SLC4A2: variants seen among roughly 807,000 people sequenced by gnomAD.
SLC4A2 encodes anion exchange protein 2.
A neutral mutation model predicts 115.0 loss-of-function variants in SLC4A2; 36 were observed. The ratio of observed to expected loss-of-function variants is 0.31; its 90% CI spans 0.24 to 0.41. The LOEUF (loss-of-function observed/expected upper bound fraction) is 0.41. Ranked by LOEUF, SLC4A2 falls within the 10% of genes least tolerant of loss-of-function variation. The pLI is 1.00. For missense variants in SLC4A2, 1,252 were observed against 1,705.6 expected (o/e 0.73, Z 4.68); for synonymous variants, 708 against 708.3 (o/e 1.00, Z 0.01).
rs747647186 is a variant in SLC4A2, at chr7:151,069,940, A to G, written c.1148-7A>G. On this transcript the variant is annotated splice_polypyrimidine_tract_variant and splice_region_variant and intron_variant, in intron 8 of 22. Coordinates refer to ENST00000413384, the MANE Select transcript of SLC4A2 (RefSeq NM_003040.4). ...GCTGAGGGGCCCTCTGTGCCATCTT[A>G]TGCTAGGGGCTGTGCTCTTGGATCT... 6.2e-7 allele frequency: 1 copy of G among 1,613,708 alleles called. No individual in the cohort carries two copies. Among genetic ancestry groups the G allele is most frequent in the South Asian group, 1.1e-5 (1 of 91,074 alleles).
chr7:151,067,034 A>G (rs767351174), intron 7 of SLC4A2, 41 bp downstream of exon 7: 2 of 1,540,102 alleles, frequency 1.3e-6, no homozygotes, highest in South Asian at 1.2e-5. Flanking sequence ...AACTTCCCAC[A>G]CGACCCTGCC....
chr7:151,072,343 G>A (rs1797469717), intron 16 of SLC4A2, among the ~76,000 whole-genome samples: 1 of 152,242 alleles, frequency 6.6e-6, no homozygotes, highest in Non-Finnish European at 1.5e-5. Flanking sequence ...CCAGGCTGGA[G>A]TGCAGTGGCG....
Position 151,070,003 on chromosome 7 carries a change from G to A in SLC4A2, c.1204G>A (p.Val402Met), listed in dbSNP as rs766803867. ...QTLPGVAHQV[V>M]EQMVISDQIK... ...CCTGCCCGGAGTGGCCCACCAGGTG[G>A]TGGAGCAGATGGTCATCTCTGACCA... The change falls in exon 9 of 23, where the codon GTG (valine) becomes ATG (methionine). Residue 402 changes from valine (V) to methionine (M), a missense_variant. Transcript: ENST00000413384. The A allele has an allele frequency of 6.2e-7, 1 of 1,614,122 alleles. No individual in the cohort carries two copies. Among genetic ancestry groups the A allele is most frequent in the Non-Finnish European group, 8.5e-7 (1 of 1,180,036 alleles).
At chr7:151,064,438 G>T (rs1797158520) in intron 3 of SLC4A2, 71 bp downstream of exon 3, 4 of 1,572,026 alleles carry the variant, frequency 2.5e-6, no homozygotes, top group South Asian at 1.1e-5. Flanking sequence ...AGGGACTGGG[G>T]TCCTAGTGGG....
rs1298277939 is a variant in SLC4A2, at chr7:151,072,019, C to T, written c.2418C>T (p.Leu806=). 1.2e-6 allele frequency: 2 copies of T among 1,614,014 alleles called. No homozygotes were observed. Among genetic ancestry groups the T allele is most frequent in the East Asian group, 4.5e-5 (2 of 44,876 alleles). The change falls in exon 16 of 23, where the codon CTC becomes CTT. Residue 806 remains leucine, a synonymous_variant. Coordinates refer to ENST00000413384, the MANE Select transcript of SLC4A2 (RefSeq NM_003040.4). The part of the protein sequence containing the change: ...IGFWLVFLAL[L]MVALEGSFLV... ...TCTGGCTGGTGTTCCTGGCCCTGCT[C>T]ATGGTGGCCCTGGAGGGGAGCTTCC...
chr7:151,073,579 T>G (rs1370781601), intron 16 of SLC4A2, among the ~76,000 whole-genome samples: 1 of 152,218 alleles, frequency 6.6e-6, no homozygotes, highest in Non-Finnish European at 1.5e-5. Context: ...TGTTTTTTTA[T>G]TTTTAAAAAA....
chr7:151,067,125 G>A (rs1797263193), intron 7 of SLC4A2, 132 bp downstream of exon 7: 1 of 997,582 alleles, frequency 1.0e-6, no homozygotes, highest in Non-Finnish European at 1.5e-6. Context: ...GTCTCGCTCT[G>A]TTGCCCAGGA....
intron 16 of SLC4A2, among the ~76,000 whole-genome samples, chr7:151,073,634 CAA>C (rs1797515947): frequency 6.6e-6 from 1 of 152,066 alleles, no homozygotes; most frequent in Admixed American, 6.6e-5. Flanking sequence ...TTTTTAATAA[CAA>C]AGGTACATGC....
chr7:151,070,275 GAGAGT>G lies in SLC4A2; in HGVS notation c.1379_1383del (p.Glu460GlyfsTer14). Reference sequence around the variant, plus strand: ...GGGGCATCACCATGGTCAGGGGGCTGAGAGTGACCCCCACGTCACCGAGCCTCTCA... The same window carrying G: ...GGGGCATCACCATGGTCAGGGGGCTGGACCCCCACGTCACCGAGCCTCTCA... On this transcript the variant is annotated frameshift_variant, in exon 10 of 23. Transcript: ENST00000413384. LOFTEE classifies it high-confidence loss of function. 6.2e-7 allele frequency: 1 copy of G among 1,613,940 alleles called. No homozygotes were observed. The highest frequency in any genetic ancestry group is 8.5e-7 in the Non-Finnish European group (1 of 1,180,002).
At position 151,071,784 on chromosome 7, in the gene SLC4A2, TTGGTGATCGGCTTCTCAGGGCCCCTGC is replaced by T. The variant is rs764184349; in HGVS notation, c.2292_2318del (p.Ile765_Val773del). ...CTGCCTGCTGGGTGCCCAGCCCCTGTTGGTGATCGGCTTCTCAGGGCCCCTGCTGGTCTTTGAGGAGGCCTTCTTCTC... is the reference window on the plus strand; with the variant it reads ...CTGCCTGCTGGGTGCCCAGCCCCTGTTGGTCTTTGAGGAGGCCTTCTTCTC... On this transcript the variant is annotated inframe_deletion, in exon 15 of 23. Transcript: ENST00000413384. This position sits in a 1 kb window ranked among gnomAD's most constrained non-coding sequence, Gnocchi z 5.5. 6.2e-7 allele frequency: 1 copy of T among 1,611,930 alleles called. No homozygotes were observed. Among genetic ancestry groups the T allele is most frequent in the African/African-American group, 1.3e-5 (1 of 74,814 alleles).
chr7:151,064,115 T>G, intron 2 of SLC4A2, 87 bp from the exon 3 acceptor site: 3 of 1,411,894 alleles, frequency 2.1e-6, no homozygotes, highest in Non-Finnish European at 2.9e-6. Flanking sequence ...GGAGGGTTCC[T>G]GGGTCTCTGG....
chr7:151,076,299 G>A lies in SLC4A2; in HGVS notation c.3658G>A (p.Glu1220Lys), dbSNP rs1439812604. 5 of 1,555,016 alleles carry A rather than the reference G, an allele frequency of 3.2e-6. No homozygotes were observed. The highest frequency in any genetic ancestry group is 3.5e-6 in the Non-Finnish European group (4 of 1,148,048). ...DREMKCLDAN[E>K]AEPVFDEREG... ...TCCCCACACACAGCTGGATGCTAAC[G>A]AGGCAGAGCCGGTGTTTGATGAGCG... Residue 1220 changes from glutamate to lysine, a missense_variant, in exon 23 of 23, where the codon GAG becomes AAG. Transcript: ENST00000413384.
intron 2 of SLC4A2, among the ~76,000 whole-genome samples, chr7:151,063,636 G>C (rs1336768997): frequency 6.6e-6 from 1 of 151,470 alleles, no homozygotes; most frequent in East Asian, 1.9e-4. Context: ...GGGTCACTGT[G>C]TTTGAAGGGA....
At chr7:151,067,065 T>G in intron 7 of SLC4A2, 72 bp downstream of exon 7, 3 of 1,431,534 alleles carry the variant, frequency 2.1e-6, no homozygotes, top group Non-Finnish European at 2.8e-6. Context: ...AGACCAGCTG[T>G]AATCTCAAGC....
At position 151,072,097 on chromosome 7, in the gene SLC4A2, A is replaced by T. The variant is rs1797460829; in HGVS notation, c.2496A>T (p.Ser832=). ...AGGAGATCTTCGCCTTCTTGATCTC[A>T]CTCATCTTCATCTATGAGACCTTCT... ...FTQEIFAFLI[S]LIFIYETFYK... Residue 832 remains serine, a synonymous_variant, in exon 16 of 23, where the codon TCA becomes TCT. Coordinates refer to ENST00000413384, the MANE Select transcript of SLC4A2 (RefSeq NM_003040.4). 2 of 1,613,276 alleles carry T rather than the reference A, an allele frequency of 1.2e-6. No individual in the cohort carries two copies. Among genetic ancestry groups the T allele is most frequent in the African/African-American group, 2.7e-5 (2 of 74,706 alleles).
In SLC4A2 at chr7:151,074,266, C is replaced by G. The variant is rs756615069; in HGVS notation, c.2763C>G (p.Phe921Leu). 1 of 1,611,072 alleles carries G rather than the reference C, an allele frequency of 6.2e-7. No homozygotes were observed. Among genetic ancestry groups the G allele is most frequent in the African/African-American group, 1.3e-5 (1 of 75,058 alleles). ...TCATCGCCTTCTTCCTGCGCAAATT[C>G]AAGAACAGCCGGTTCTTTCCTGGCC... ...TFFIAFFLRK[F>L]KNSRFFPGRI... The change falls in exon 17 of 23, where the codon TTC becomes TTG. Residue 921 changes from phenylalanine to leucine, a missense_variant. Coordinates refer to ENST00000413384, the MANE Select transcript of SLC4A2 (RefSeq NM_003040.4).
chr7:151,075,457 C>T lies in SLC4A2; in HGVS notation c.3250C>T (p.Gln1084Ter). ...AVAPGDKPKI[Q>*]EVKEQRVTGL... is the part of the protein sequence containing the mutation. ...GGCACCTGGGGACAAGCCCAAGATT[C>T]AGGAAGTCAAGGAGCAGCGGGTGAC... Residue 1084 changes from glutamine to a stop codon, truncating the protein, a stop_gained, in exon 20 of 23, where the codon CAG becomes TAG. Coordinates refer to ENST00000413384, the MANE Select transcript of SLC4A2 (RefSeq NM_003040.4). LOFTEE classifies it high-confidence loss of function. The T allele has an allele frequency of 6.2e-7, 1 of 1,603,310 alleles. No homozygotes were observed. The highest frequency in any genetic ancestry group is 8.5e-7 in the Non-Finnish European group (1 of 1,179,950).
At chr7:151,075,911 G>A in intron 21 of SLC4A2, 102 bp from the exon 22 acceptor site, 1 of 1,441,238 alleles carries the variant, frequency 6.9e-7, no homozygotes, top group Non-Finnish European at 9.4e-7. Context: ...CCCAGCTCTG[G>A]CACCTAGGAA....
rs747704488 is a variant in SLC4A2 at position 151,060,655 on chromosome 7, C to G, written c.-64+893C>G. On this transcript the variant is annotated intron_variant, in intron 1 of 22. Transcript: ENST00000413384. This position sits in a 1 kb window ranked among gnomAD's most constrained non-coding sequence, Gnocchi z 5.9. The stretch of plus-strand genomic sequence containing the variant: ...GGGCACAGCCTGAGGTGGGAGTGGG[C>G]GCCTGCAGGTGCTCTGGGCGGACTC... Among the ~76,000 whole-genome samples the G allele has an allele frequency of 1.3e-5, 2 of 152,074 alleles. No individual in the cohort carries two copies. The highest frequency in any genetic ancestry group is 4.8e-5 in the African/African-American group (2 of 41,392).
Sources: allele counts gnomAD v4.1 joint callset (sites outside exome capture counted in the v4.1 genomes callset), GRCh38; gene constraint gnomAD v4.1.1; non-coding constraint Gnocchi (gnomAD v3.1); transcripts MANE v1.5; gene names NCBI Gene and HGNC (gene_info 2026-07-23, HGNC 2026-07-21).